Variants in RBFOX1 observed in about 807,000 individuals in gnomAD.
The protein encoded by RBFOX1 is RNA binding fox-1 homolog 1.
RBFOX1 carries 8 observed loss-of-function variants against 57.7 expected under a neutral mutation model. The ratio of observed to expected loss-of-function variants is 0.14; its 90% CI spans 0.08 to 0.25. RBFOX1 has a LOEUF of 0.25. Ranked by LOEUF, RBFOX1 falls within the 10% of genes least tolerant of loss-of-function variation. The pLI, the probability that RBFOX1 is intolerant of heterozygous loss-of-function variation, is 1.00. For synonymous variants in RBFOX1, 326 were observed against 222.4 expected, an observed-to-expected ratio of 1.47 and a Z score of -4.15; for missense variants, 611 against 548.5, an observed-to-expected ratio of 1.11 and a Z score of -1.14.
chr16:5,417,968 C>T (rs1043695862), intron 1 of RBFOX1, among the ~76,000 whole-genome samples: 1 of 152,150 alleles, frequency 6.6e-6, no homozygotes, highest in African/African-American at 2.4e-5. Context: ...GTAATCCCAG[C>T]TGCTGAGGAG....
At chr16:5,892,870 C>G (rs557020246) in intron 4 of RBFOX1, among the ~76,000 whole-genome samples, 1 of 152,158 alleles carries the variant, frequency 6.6e-6, no homozygotes, top group Non-Finnish European at 1.5e-5. Flanking sequence ...CCCCAGGTGC[C>G]ATGAGAGGGG....
intron 3 of RBFOX1, among the ~76,000 whole-genome samples, chr16:6,921,901 T>C (rs1038149898): frequency 1.3e-5 from 2 of 152,038 alleles, no homozygotes; most frequent in African/African-American, 4.8e-5. Context: ...TATGCAAGGG[T>C]GAGAACACAG....
chr16:6,656,806 C>T, intron 3 of RBFOX1, among the ~76,000 whole-genome samples: 1 of 151,930 alleles, frequency 6.6e-6, no homozygotes, highest in East Asian at 1.9e-4. Context: ...AAAATAATGC[C>T]CAGTTAAAAT....
intron 1 of RBFOX1, among the ~76,000 whole-genome samples, chr16:5,246,628 C>T (rs998018019): frequency 1.3e-5 from 2 of 152,102 alleles, no homozygotes; most frequent in Non-Finnish European, 2.9e-5. Flanking sequence ...TGACAACCAT[C>T]ATTCTACTCT....
intron 1 of RBFOX1, among the ~76,000 whole-genome samples, chr16:5,449,035 G>A (rs1227293054): frequency 6.6e-6 from 1 of 152,116 alleles, no homozygotes; most frequent in East Asian, 1.9e-4. Context: ...AGCTGCACGG[G>A]ACTGCCCCAA....
At chr16:6,875,775 C>T (rs1374572580) in intron 3 of RBFOX1, among the ~76,000 whole-genome samples, 2 of 152,110 alleles carry the variant, frequency 1.3e-5, no homozygotes, top group African/African-American at 2.4e-5. Context: ...GAGGCCATGA[C>T]AGCAGGATTA....
intron 1 of RBFOX1, among the ~76,000 whole-genome samples, chr16:5,443,233 C>T (rs1271643603): frequency 6.6e-6 from 1 of 152,144 alleles, no homozygotes; most frequent in Admixed American, 6.5e-5. Context: ...ATAGGAAAAA[C>T]CCAACCTAAT....
chr16:6,654,548 A>C (rs777741196), intron 2 of RBFOX1, 55 bp from the exon 3 acceptor site: 3 of 1,375,290 alleles, frequency 2.2e-6, no homozygotes, highest in East Asian at 2.6e-5. Context: ...TTCTCTGACC[A>C]TAAGTCTGAC....
chr16:7,192,315 C>G (rs80035952), intron 4 of RBFOX1, among the ~76,000 whole-genome samples: 1 of 152,114 alleles, frequency 6.6e-6, no homozygotes, highest in African/African-American at 2.4e-5. Flanking sequence ...ATGTCATATT[C>G]AGTGGAGAGG....
At chr16:5,984,036 T>C (rs2060230588) in intron 4 of RBFOX1, among the ~76,000 whole-genome samples, 1 of 126,758 alleles carries the variant, frequency 7.9e-6, no homozygotes, top group Admixed American at 7.9e-5. Flanking sequence ...TTCCTTCTTC[T>C]TCCTCCTCTT....
At chr16:7,479,835 G>A (rs2063518209) in intron 4 of RBFOX1, among the ~76,000 whole-genome samples, 1 of 152,158 alleles carries the variant, frequency 6.6e-6, no homozygotes. Flanking sequence ...GTCTTCCCCA[G>A]AACATCCCTC....
At chr16:6,540,231 G>C (rs2096794569) in intron 2 of RBFOX1, among the ~76,000 whole-genome samples, 1 of 151,768 alleles carries the variant, frequency 6.6e-6, no homozygotes, top group South Asian at 2.1e-4. Context: ...TTGAAAGTAG[G>C]TTTTGGCCTT....
At chr16:6,760,913 T>C (rs979351423) in intron 3 of RBFOX1, among the ~76,000 whole-genome samples, 1 of 152,176 alleles carries the variant, frequency 6.6e-6, no homozygotes, top group Non-Finnish European at 1.5e-5. Flanking sequence ...TTCCTAGCAC[T>C]GCGTCTGGTC....
At chr16:7,031,002 A>T (rs574962329) in intron 3 of RBFOX1, among the ~76,000 whole-genome samples, 1 of 152,222 alleles carries the variant, frequency 6.6e-6, no homozygotes, top group Admixed American at 6.5e-5. Context: ...TCCTGCAGAA[A>T]GAGGACCTTT....
At chr16:5,728,690 C>G (rs570438363) in intron 3 of RBFOX1, among the ~76,000 whole-genome samples, 1 of 152,100 alleles carries the variant, frequency 6.6e-6, no homozygotes, top group African/African-American at 2.4e-5. Flanking sequence ...TTTGTCTGGC[C>G]GCCCCTCCCC....
chr16:6,481,451 G>A (rs1463823005), intron 2 of RBFOX1, among the ~76,000 whole-genome samples: 1 of 152,236 alleles, frequency 6.6e-6, no homozygotes, highest in East Asian at 1.9e-4. Flanking sequence ...GTTGTAATTA[G>A]GGCTTGCTGT....
intron 1 of RBFOX1, among the ~76,000 whole-genome samples, chr16:6,237,490 A>G (rs1183159725): frequency 6.6e-6 from 1 of 152,084 alleles, no homozygotes; most frequent in African/African-American, 2.4e-5. Flanking sequence ...AAAAAGAAAT[A>G]CCTGCCTTAT....
chr16:5,608,396 G>T (rs888110605), intron 3 of RBFOX1, among the ~76,000 whole-genome samples: 1 of 152,174 alleles, frequency 6.6e-6, no homozygotes, highest in African/African-American at 2.4e-5. Context: ...GTGGCCACAT[G>T]ATGAAGGGGC....
chr16:5,922,646 C>G (rs988071873), intron 4 of RBFOX1, among the ~76,000 whole-genome samples: 1 of 152,194 alleles, frequency 6.6e-6, no homozygotes, highest in Non-Finnish European at 1.5e-5. Flanking sequence ...TTTAACATCC[C>G]CACCATCAGT....
Sources: allele counts gnomAD v4.1 joint callset (sites outside exome capture counted in the v4.1 genomes callset), GRCh38; gene constraint gnomAD v4.1.1; transcripts MANE v1.5; gene names NCBI Gene and HGNC (gene_info 2026-07-23, HGNC 2026-07-21).